The following LRRC4C variants were observed in gnomAD, a reference collection of about 807,000 sequenced individuals.
LRRC4C encodes leucine-rich repeat-containing protein 4C.
A neutral mutation model predicts 33.6 loss-of-function variants in LRRC4C; 5 were observed. The observed-to-expected ratio is 0.15, with a 90% confidence interval of 0.08 to 0.31. The LOEUF (loss-of-function observed/expected upper bound fraction) is 0.31. Ranked by LOEUF, LRRC4C falls within the 10% of genes least tolerant of loss-of-function variation. The pLI is 1.00. For synonymous variants in LRRC4C, 329 were observed against 302.0 expected, an observed-to-expected ratio of 1.09 and a Z score of -0.93; for missense variants, 560 against 796.7, an observed-to-expected ratio of 0.70 and a Z score of 3.58.
intron 5 of LRRC4C, among the ~76,000 whole-genome samples, chr11:40,241,099 G>T (rs932992490): frequency 6.6e-6 from 1 of 152,104 alleles, no homozygotes; most frequent in African/African-American, 2.4e-5. Context: ...TTTAAAAATC[G>T]TCTGGGTAAC....
chr11:41,267,011 G>T (rs934677115), intron 1 of LRRC4C, among the ~76,000 whole-genome samples: 23 of 152,052 alleles, frequency 1.5e-4, no homozygotes, highest in African/African-American at 5.3e-4. Flanking sequence ...ACTCACAAAG[G>T]CTAATCCACT....
chr11:40,991,273 A>G (rs1432981685), intron 1 of LRRC4C, among the ~76,000 whole-genome samples: 4 of 151,712 alleles, frequency 2.6e-5, no homozygotes, highest in African/African-American at 9.7e-5. Context: ...TTAATACTGT[A>G]TAATAAAATT....
At chr11:40,496,118 C>T (rs145666309) in intron 3 of LRRC4C, among the ~76,000 whole-genome samples, 1 of 152,032 alleles carries the variant, frequency 6.6e-6, no homozygotes, top group East Asian at 1.9e-4. Context: ...TCATGAGCCA[C>T]CACGCCTGGC....
chr11:40,795,638 G>C (rs1950793786), intron 2 of LRRC4C, among the ~76,000 whole-genome samples: 1 of 152,158 alleles, frequency 6.6e-6, no homozygotes, highest in Admixed American at 6.5e-5. Context: ...TAGAAATTTT[G>C]ACATAGGCAG....
At chr11:40,221,866 T>C (rs191916185) in intron 5 of LRRC4C, among the ~76,000 whole-genome samples, 361 of 152,092 alleles carry the variant, frequency 2.4e-3, no homozygotes, top group Non-Finnish European at 3.1e-3. Context: ...CCCCTTAGAG[T>C]TGTGAGCCCT....
chr11:41,093,725 T>C (rs1940595191), intron 1 of LRRC4C, among the ~76,000 whole-genome samples: 1 of 151,950 alleles, frequency 6.6e-6, no homozygotes, highest in Non-Finnish European at 1.5e-5. Context: ...TACCTGCATA[T>C]AATGAGATAC....
intron 3 of LRRC4C, among the ~76,000 whole-genome samples, chr11:40,430,115 G>A (rs1414717119): frequency 6.6e-6 from 1 of 152,034 alleles, no homozygotes; most frequent in Non-Finnish European, 1.5e-5. Context: ...TTCCAGCTGT[G>A]CTTTTATTGG....
chr11:40,761,144 AC>A (rs990321042), intron 2 of LRRC4C, among the ~76,000 whole-genome samples: 4 of 152,048 alleles, frequency 2.6e-5, no homozygotes, highest in African/African-American at 9.7e-5. Flanking sequence ...ATAGTGGAGA[AC>A]ATATAGTGTT....
At chr11:41,380,412 T>C (rs548392697) in intron 1 of LRRC4C, among the ~76,000 whole-genome samples, 1 of 152,256 alleles carries the variant, frequency 6.6e-6, no homozygotes, top group East Asian at 1.9e-4. Flanking sequence ...AAACTTGAAA[T>C]GTAGATAGAA....
At chr11:40,135,739 C>T (rs902836677) in intron 6 of LRRC4C, among the ~76,000 whole-genome samples, 10 of 152,036 alleles carry the variant, frequency 6.6e-5, no homozygotes, top group Admixed American at 3.9e-4. Flanking sequence ...GCTGACAGTC[C>T]GATTCTAATA....
chr11:41,110,692 T>A (rs1268623110), intron 1 of LRRC4C, among the ~76,000 whole-genome samples: 1 of 152,056 alleles, frequency 6.6e-6, no homozygotes, highest in Admixed American at 6.6e-5. Flanking sequence ...TTTCATAGGG[T>A]TGAAGGTCAA....
chr11:41,369,796 G>C (rs867567966), intron 1 of LRRC4C, among the ~76,000 whole-genome samples: 1 of 152,120 alleles, frequency 6.6e-6, no homozygotes, highest in Non-Finnish European at 1.5e-5. Context: ...CTCAAAGCAG[G>C]AGAATGGCAT....
At chr11:40,745,727 T>C (rs1948384843) in intron 2 of LRRC4C, among the ~76,000 whole-genome samples, 2 of 152,204 alleles carry the variant, frequency 1.3e-5, no homozygotes, top group African/African-American at 4.8e-5. Flanking sequence ...ATAATTTGGC[T>C]AATATTAACC....
intron 2 of LRRC4C, among the ~76,000 whole-genome samples, chr11:40,739,981 T>A (rs1273225772): frequency 3.3e-5 from 5 of 151,674 alleles, no homozygotes; most frequent in Non-Finnish European, 1.5e-5. Flanking sequence ...ATATACAAAA[T>A]ATATAGGTAT....
chr11:40,117,528 T>A (rs777658617), intron 6 of LRRC4C, among the ~76,000 whole-genome samples: 1 of 152,162 alleles, frequency 6.6e-6, no homozygotes, highest in Non-Finnish European at 1.5e-5. Flanking sequence ...GGAAAATAAC[T>A]CATCTCCTGC....
intron 1 of LRRC4C, among the ~76,000 whole-genome samples, chr11:41,442,830 G>A (rs1204834595): frequency 6.6e-6 from 1 of 151,988 alleles, no homozygotes; most frequent in East Asian, 1.9e-4. Context: ...ATCTGACATA[G>A]TTCATCTGTA....
At chr11:40,771,548 C>G (rs146799374) in intron 2 of LRRC4C, among the ~76,000 whole-genome samples, 5 of 152,296 alleles carry the variant, frequency 3.3e-5, no homozygotes, top group African/African-American at 4.8e-5. Flanking sequence ...GAATTTCTCC[C>G]CAGAAAATGG....
At chr11:40,164,278 T>A (rs1188236535) in intron 5 of LRRC4C, among the ~76,000 whole-genome samples, 1 of 152,198 alleles carries the variant, frequency 6.6e-6, no homozygotes, top group Non-Finnish European at 1.5e-5. Context: ...ACATACACAA[T>A]GGAATATTAT....
intron 1 of LRRC4C, among the ~76,000 whole-genome samples, chr11:40,935,245 T>C (rs1398894356): frequency 6.6e-6 from 1 of 152,172 alleles, no homozygotes; most frequent in African/African-American, 2.4e-5. Context: ...TCATTCTAAG[T>C]AGATTGCTAA....
Sources: gnomAD v4.1 joint callset for allele counts (sites outside exome capture counted in the v4.1 genomes callset) on GRCh38, gnomAD v4.1.1 for gene constraint, MANE v1.5 for transcripts, NCBI Gene and HGNC (gene_info 2026-07-23, HGNC 2026-07-21) for gene names.